Variants in DRD3 observed in about 807,000 individuals in gnomAD.
DRD3 encodes the protein dopamine receptor D3.
DRD3 carries 19 observed loss-of-function variants against 36.3 expected under a neutral mutation model. That is an observed-to-expected ratio of 0.52 (90% CI 0.36 to 0.77). The LOEUF is 0.77. Ranked by LOEUF, DRD3 falls within the 30% of genes least tolerant of loss-of-function variation. The probability of loss-of-function intolerance (pLI) is 0.00; values close to 1 mark genes in which losing one functional copy is unlikely to be tolerated. For missense variants in DRD3, 465 were observed against 505.3 expected, an observed-to-expected ratio of 0.92 and a Z score of 0.77; for synonymous variants, 195 against 203.7, an observed-to-expected ratio of 0.96 and a Z score of 0.36.
At chr3:114,135,085 A>G (rs1577581122) in intron 5 of DRD3, among the ~76,000 whole-genome samples, 1 of 151,252 alleles carries the variant, frequency 6.6e-6, no homozygotes, top group Non-Finnish European at 1.5e-5. Flanking sequence ...CCCCTCCCCC[A>G]TCTCCTTCCT....
At chr3:114,171,220 G>A (rs1222284333) in intron 2 of DRD3, among the ~76,000 whole-genome samples, 1 of 152,142 alleles carries the variant, frequency 6.6e-6, no homozygotes, top group Non-Finnish European at 1.5e-5. Context: ...AAGAGGGACT[G>A]AGCCATCGAA....
intron 5 of DRD3, among the ~76,000 whole-genome samples, chr3:114,134,247 A>G (rs1169041472): frequency 6.6e-6 from 1 of 152,024 alleles, no homozygotes; most frequent in Non-Finnish European, 1.5e-5. Flanking sequence ...CTTCAAGACT[A>G]TTTAGTGTTA....
chr3:114,165,693 A>T (rs190712075), intron 2 of DRD3, among the ~76,000 whole-genome samples: 6 of 151,932 alleles, frequency 3.9e-5, no homozygotes, highest in African/African-American at 1.5e-4. Flanking sequence ...GTACTTCTCT[A>T]ATTAGCCTCT....
At chr3:114,131,513 G>C in intron 5 of DRD3, 113 bp from the exon 6 acceptor site, 2 of 1,392,708 alleles carry the variant, frequency 1.4e-6, no homozygotes, top group East Asian at 4.7e-5. Flanking sequence ...ACAGTTGTGG[G>C]AAACCTACAA....
chr3:114,186,649 T>G (rs943858584), intron 1 of DRD3, among the ~76,000 whole-genome samples: 2 of 152,210 alleles, frequency 1.3e-5, no homozygotes, highest in African/African-American at 4.8e-5. Flanking sequence ...GTATGCCACA[T>G]TGCTGGAAGT....
intron 5 of DRD3, among the ~76,000 whole-genome samples, chr3:114,135,885 G>T (rs2077470523): frequency 6.6e-6 from 1 of 151,938 alleles, no homozygotes; most frequent in Non-Finnish European, 1.5e-5. Flanking sequence ...TAGAGATGGG[G>T]TTTCACCATG....
chr3:114,151,265 G>A (rs187663257), intron 3 of DRD3, among the ~76,000 whole-genome samples: 3 of 152,274 alleles, frequency 2.0e-5, no homozygotes, highest in Non-Finnish European at 4.4e-5. Context: ...GCTGAGCCTT[G>A]AGTCCTGCTG....
chr3:114,175,976 C>T (rs75380612), intron 1 of DRD3: 1 of 152,276 alleles, frequency 6.6e-6, no homozygotes, highest in Non-Finnish European at 1.5e-5. Context: ...TTATCTTGGT[C>T]TTTATAGTTT....
chr3:114,166,276 G>A lies in DRD3; in HGVS notation c.270+5447C>T, dbSNP rs116628627. On this transcript the variant is annotated intron_variant, in intron 2 of 6. Transcript: ENST00000383673. ...GTGGGGATTACAGGCGTGAGCCACCGTACCCGGCCAACAGTTTGTATTTTT... is the reference window on the plus strand; with the variant it reads ...GTGGGGATTACAGGCGTGAGCCACCATACCCGGCCAACAGTTTGTATTTTT... 5.8e-3 allele frequency among the ~76,000 whole-genome samples: 884 copies of A among 152,152 alleles called. 6 individuals are homozygous for A. The highest frequency in any genetic ancestry group is 8.6e-3 in the Non-Finnish European group (583 of 67,996).
At chr3:114,142,121 G>A (rs2077531250) in intron 4 of DRD3, among the ~76,000 whole-genome samples, 1 of 151,766 alleles carries the variant, frequency 6.6e-6, no homozygotes, top group Non-Finnish European at 1.5e-5. Flanking sequence ...CACCAAATTG[G>A]CATCTGCTGG....
At position 114,127,812 on chromosome 3, in the gene DRD3, G is replaced by A. The variant is rs1315462523; in HGVS notation, c.*904C>T. ...ACCACCGTTGTATATGTGGTCCACT[G>A]TTGCCCAAAATGTCATGATGTGGTC... On this transcript the variant is annotated 3_prime_UTR_variant, in exon 7 of 7. Transcript: ENST00000383673. 1.3e-5 allele frequency among the ~76,000 whole-genome samples: 2 copies of A among 152,134 alleles called. No individual in the cohort carries two copies. Among genetic ancestry groups the A allele is most frequent in the Non-Finnish European group, 2.9e-5 (2 of 68,040 alleles).
intron 5 of DRD3, among the ~76,000 whole-genome samples, chr3:114,135,938 A>G (rs563863247): frequency 4.3e-4 from 66 of 152,214 alleles, no homozygotes; most frequent in African/African-American, 1.6e-3. Flanking sequence ...TGATCTGCCC[A>G]TCCTGGCCTC....
intron 5 of DRD3, among the ~76,000 whole-genome samples, chr3:114,135,987 G>A (rs1028096405): frequency 3.3e-5 from 5 of 152,076 alleles, no homozygotes; most frequent in African/African-American, 7.2e-5. Context: ...CACCACACGC[G>A]GCCCCAAGAT....
intron 4 of DRD3, among the ~76,000 whole-genome samples, chr3:114,146,568 G>C (rs2077571533): frequency 2.0e-5 from 3 of 151,750 alleles, no homozygotes; most frequent in African/African-American, 7.3e-5. Flanking sequence ...GCGTGGTGGT[G>C]GGTGCCTGTA....
intron 1 of DRD3, among the ~76,000 whole-genome samples, chr3:114,197,130 T>A (rs78911374): frequency 0.036 from 5,434 of 151,030 alleles, 123 homozygotes; most frequent in Admixed American, 0.064. Context: ...TTTTTTTTTT[T>A]AAGTCAAGAT....
intron 2 of DRD3, among the ~76,000 whole-genome samples, chr3:114,169,530 G>A (rs576428473): frequency 6.6e-6 from 1 of 151,976 alleles, no homozygotes; most frequent in East Asian, 1.9e-4. Flanking sequence ...CTTGATCACT[G>A]AATACCTACA....
At chr3:114,182,714 C>G (rs962877491), upstream of DRD3, among the ~76,000 whole-genome samples, 1 of 151,980 alleles carries the variant, frequency 6.6e-6, no homozygotes, top group Non-Finnish European at 1.5e-5. Flanking sequence ...CAGGTTTAAG[C>G]GATTCTCTAA....
chr3:114,183,406 G>A (rs2077958576), upstream of DRD3, among the ~76,000 whole-genome samples: 1 of 152,108 alleles, frequency 6.6e-6, no homozygotes, highest in African/African-American at 2.4e-5. Context: ...CATTGTTGTT[G>A]GGTAGAGTGT....
At chr3:114,138,970 C>T (rs1223027401) in intron 5 of DRD3, among the ~76,000 whole-genome samples, 1 of 152,200 alleles carries the variant, frequency 6.6e-6, no homozygotes, top group Non-Finnish European at 1.5e-5. Flanking sequence ...AAGATCATTG[C>T]AGAGGCAATG....
Sources: allele counts gnomAD v4.1 joint callset (sites outside exome capture counted in the v4.1 genomes callset), GRCh38; gene constraint gnomAD v4.1.1; transcripts MANE v1.5; gene names NCBI Gene and HGNC (gene_info 2026-07-23, HGNC 2026-07-21).